TMEM108: variants seen among roughly 807,000 people sequenced by gnomAD.
TMEM108 encodes the protein cancer/testis antigen 124.
A neutral mutation model predicts 35.1 loss-of-function variants in TMEM108; 12 were observed. That is an observed-to-expected ratio of 0.34 (90% CI 0.22 to 0.55). The LOEUF is 0.55. Ranked by LOEUF, TMEM108 falls within the 20% of genes least tolerant of loss-of-function variation. The pLI is 0.89. For synonymous variants in TMEM108, 287 were observed against 308.6 expected, an observed-to-expected ratio of 0.93 and a Z score of 0.73; for missense variants, 680 against 753.3, an observed-to-expected ratio of 0.90 and a Z score of 1.14.
intron 2 of TMEM108, among the ~76,000 whole-genome samples, chr3:133,194,003 C>T (rs1399349147): frequency 6.8e-6 from 1 of 147,828 alleles, no homozygotes; most frequent in Non-Finnish European, 1.5e-5. Context: ...GTGGTGCGAT[C>T]TTGGCTCACT....
chr3:133,071,024 C>T (rs1943669679), intron 2 of TMEM108, among the ~76,000 whole-genome samples: 1 of 152,124 alleles, frequency 6.6e-6, no homozygotes, highest in South Asian at 2.1e-4. Flanking sequence ...TTTGTCCCCT[C>T]TCTGTTACCA....
intron 3 of TMEM108, among the ~76,000 whole-genome samples, chr3:133,338,350 T>G (rs570688477): frequency 1.3e-5 from 2 of 152,266 alleles, no homozygotes; most frequent in East Asian, 3.9e-4. Context: ...ACAGTACATC[T>G]GGCAGCAGAC....
chr3:133,388,891 G>A lies in TMEM108; in HGVS notation c.1451-1289G>A, dbSNP rs112605528. On this transcript the variant is annotated intron_variant, in intron 4 of 5. Coordinates refer to ENST00000321871, the MANE Select transcript of TMEM108 (RefSeq NM_023943.4). ...GCTGGCCAGACCCTCAGGCTGCTGC[G>A]AACAGAGCTGGCCCTCTGCCAACCC... 653 of 985,750 alleles carry A rather than the reference G, an allele frequency of 6.6e-4. 4 individuals are homozygous for A. In the African/African-American group the frequency reaches 9.9e-3, roughly 15 times the overall value. The allele number at this position is 985,750 out of a possible 1,614,324, so 61.1% of individuals were successfully genotyped here.
chr3:133,226,660 T>G (rs1946075781), intron 2 of TMEM108, among the ~76,000 whole-genome samples: 1 of 152,190 alleles, frequency 6.6e-6, no homozygotes, highest in Non-Finnish European at 1.5e-5. Context: ...GGAATTCCCT[T>G]GGCTGAGAGG....
intron 4 of TMEM108, 150 bp downstream of exon 4, chr3:133,381,311 C>G (rs1371036268): frequency 2.7e-5 from 23 of 842,164 alleles, no homozygotes; most frequent in Non-Finnish European, 4.0e-5. Context: ...ACAGGTTATC[C>G]CTGACCCTAG....
intron 4 of TMEM108, among the ~76,000 whole-genome samples, chr3:133,384,157 C>T (rs1025508483): frequency 3.3e-5 from 5 of 152,208 alleles, no homozygotes; most frequent in African/African-American, 1.2e-4. Flanking sequence ...TCAGTGGCTT[C>T]ATTTATCTTA....
chr3:133,191,642 A>G (rs931151199), intron 2 of TMEM108, among the ~76,000 whole-genome samples: 3 of 152,180 alleles, frequency 2.0e-5, no homozygotes, highest in Admixed American at 6.5e-5. Flanking sequence ...TCTCTCGTCA[A>G]TCTTGCACTG....
chr3:133,177,932 A>G (rs1275170507), intron 2 of TMEM108, among the ~76,000 whole-genome samples: 2 of 152,184 alleles, frequency 1.3e-5, no homozygotes, highest in Admixed American at 1.3e-4. Flanking sequence ...TCAGCCCAAA[A>G]TCTCCTCAAG....
chr3:133,147,194 A>G (rs1944733797), intron 2 of TMEM108, among the ~76,000 whole-genome samples: 1 of 152,038 alleles, frequency 6.6e-6, no homozygotes, highest in African/African-American at 2.4e-5. Context: ...GAACTTATTT[A>G]TTTCTGCCTT....
chr3:133,229,388 A>G (rs756092107), intron 3 of TMEM108, 37 bp downstream of exon 3: 1 of 1,601,748 alleles, frequency 6.2e-7, no homozygotes, highest in Non-Finnish European at 8.5e-7. Flanking sequence ...CCTAAAATAT[A>G]CTAATGTTAT....
intron 2 of TMEM108, among the ~76,000 whole-genome samples, chr3:133,086,687 C>G (rs551614645): frequency 6.8e-4 from 103 of 152,302 alleles, no homozygotes; most frequent in African/African-American, 2.3e-3. Context: ...TCTGTAGCAT[C>G]TGGTACTGCC....
At chr3:133,163,719 G>A (rs1302791386) in intron 2 of TMEM108, among the ~76,000 whole-genome samples, 1 of 152,180 alleles carries the variant, frequency 6.6e-6, no homozygotes, top group Non-Finnish European at 1.5e-5. Flanking sequence ...TTAGACCTCC[G>A]TGCCTCACTG....
chr3:133,339,199 T>C (rs1416005147), intron 3 of TMEM108, among the ~76,000 whole-genome samples: 1 of 151,300 alleles, frequency 6.6e-6, no homozygotes, highest in Non-Finnish European at 1.5e-5. Flanking sequence ...AAGACCTAAT[T>C]ATCAGTTGCC....
intron 2 of TMEM108, among the ~76,000 whole-genome samples, chr3:133,086,239 G>A (rs908668256): frequency 6.6e-6 from 1 of 152,136 alleles, no homozygotes. Context: ...ATTCGTTTCA[G>A]TGCCAGATGT....
intron 3 of TMEM108, among the ~76,000 whole-genome samples, chr3:133,289,024 C>T (rs1416910000): frequency 6.6e-6 from 1 of 152,076 alleles, no homozygotes; most frequent in Admixed American, 6.6e-5. Context: ...CCATGAGGCA[C>T]CATGTGAGTC....
At chr3:133,379,470 G>A (rs763880232) in intron 3 of TMEM108, among the ~76,000 whole-genome samples, 9 of 152,300 alleles carry the variant, frequency 5.9e-5, no homozygotes, top group Middle Eastern at 3.4e-3. Flanking sequence ...GGCTGATGGC[G>A]TTTCTGAGGC....
intron 2 of TMEM108, among the ~76,000 whole-genome samples, chr3:133,118,617 G>T (rs1285738413): frequency 1.3e-5 from 2 of 152,108 alleles, no homozygotes; most frequent in African/African-American, 4.8e-5. Flanking sequence ...ACCAGATTGT[G>T]TTTTTGCCCA....
At chr3:133,352,676 C>T (rs962895605) in intron 3 of TMEM108, among the ~76,000 whole-genome samples, 1 of 152,140 alleles carries the variant, frequency 6.6e-6, no homozygotes, top group African/African-American at 2.4e-5. Context: ...AACTCAGGAA[C>T]AGCCAGAAAG....
intron 2 of TMEM108, among the ~76,000 whole-genome samples, chr3:133,075,499 G>C (rs541326008): frequency 6.6e-6 from 1 of 152,104 alleles, no homozygotes; most frequent in Non-Finnish European, 1.5e-5. Flanking sequence ...GTGATTTCTA[G>C]CAAGTGAAAA....
Sources: gnomAD v4.1 joint callset for allele counts (sites outside exome capture counted in the v4.1 genomes callset) on GRCh38, gnomAD v4.1.1 for gene constraint, MANE v1.5 for transcripts, NCBI Gene and HGNC (gene_info 2026-07-23, HGNC 2026-07-21) for gene names.